KSR2: variants seen among roughly 807,000 people sequenced by gnomAD.
The protein encoded by KSR2 is kinase suppressor of ras 2.
KSR2 carries 25 observed loss-of-function variants against 107.8 expected under a neutral mutation model. That is an observed-to-expected ratio of 0.23 (90% confidence interval 0.17 to 0.32). The LOEUF is 0.32. Ranked by LOEUF, KSR2 falls within the 10% of genes least tolerant of loss-of-function variation. The pLI is 1.00. For synonymous variants in KSR2, 480 were observed against 507.0 expected, an observed-to-expected ratio of 0.95 and a Z score of 0.71; for missense variants, 887 against 1,268.9, an observed-to-expected ratio of 0.70 and a Z score of 4.57.
At chr12:117,870,749 C>G (rs568372523) in intron 1 of KSR2, among the ~76,000 whole-genome samples, 9 of 152,138 alleles carry the variant, frequency 5.9e-5, no homozygotes, top group African/African-American at 1.7e-4. Context: ...GGAGCTAGAA[C>G]CAAGGGGTAC....
intron 4 of KSR2, among the ~76,000 whole-genome samples, chr12:117,702,556 T>C (rs1886371271): frequency 6.6e-6 from 1 of 152,214 alleles, no homozygotes; most frequent in Non-Finnish European, 1.5e-5. Flanking sequence ...TTTAGCCTGA[T>C]TCATCTTCCC....
At chr12:117,543,104 T>C (rs1015966341) in intron 9 of KSR2, among the ~76,000 whole-genome samples, 2 of 152,270 alleles carry the variant, frequency 1.3e-5, no homozygotes, top group African/African-American at 2.4e-5. Context: ...ACAGGATTTA[T>C]GTGAACATAT....
At chr12:117,687,943 T>G (rs1372459234) in intron 4 of KSR2, among the ~76,000 whole-genome samples, 2 of 152,208 alleles carry the variant, frequency 1.3e-5, no homozygotes, top group Non-Finnish European at 2.9e-5. Context: ...CCAGCTTTCC[T>G]GTCAATCCTG....
chr12:117,626,697 G>T (rs1466891270), intron 5 of KSR2, among the ~76,000 whole-genome samples: 1 of 152,152 alleles, frequency 6.6e-6, no homozygotes, highest in African/African-American at 2.4e-5. Flanking sequence ...TTGGGGTGGA[G>T]AGTTATGAAG....
intron 4 of KSR2, among the ~76,000 whole-genome samples, chr12:117,684,286 T>C (rs1885482023): frequency 1.3e-5 from 2 of 152,214 alleles, no homozygotes; most frequent in Admixed American, 6.5e-5. Flanking sequence ...CCTCTCCCAC[T>C]GGTTTGGGAG....
chr12:117,753,797 C>T lies in KSR2; in HGVS notation c.986+7214G>A, dbSNP rs557282147. Among the ~76,000 whole-genome samples, 75 of 146,286 alleles carry T rather than the reference C, an allele frequency of 5.1e-4. 1 individual carries two copies. In the South Asian group the frequency reaches 8.3e-3, roughly 16 times the overall value. On this transcript the variant is annotated intron_variant, in intron 4 of 19. Transcript: ENST00000339824. ...TATGTAACAAACCTGCACTTGTACC[C>T]GTGACCTTAAAATGAAAGTTAAAAA... is the stretch of plus-strand genomic sequence containing the variant.
intron 3 of KSR2, among the ~76,000 whole-genome samples, chr12:117,848,835 G>GTGATGGTGGTGGGTGGTAGTGGTGGTGA (rs1226463085): frequency 1.0e-4 from 4 of 40,134 alleles, no homozygotes; most frequent in Non-Finnish European, 1.7e-4. Context: ...GATGGTGGTA[G>GTGATGGTGGTGGGTGGTAGTGGTGGTGA]TGGTGGTGAT....
At chr12:117,910,102 G>A (rs10774970) in intron 1 of KSR2, among the ~76,000 whole-genome samples, 43,231 of 151,360 alleles carry the variant, frequency 0.29, 6,621 homozygotes, top group East Asian at 0.5. Context: ...ATGGTGGTGT[G>A]TGCCTGAAGT....
At chr12:117,778,681 T>C (rs1248399491) in intron 3 of KSR2, among the ~76,000 whole-genome samples, 1 of 152,132 alleles carries the variant, frequency 6.6e-6, no homozygotes, top group Non-Finnish European at 1.5e-5. Context: ...CTCATGGGCC[T>C]CTGAGGGAGG....
intron 4 of KSR2, among the ~76,000 whole-genome samples, chr12:117,682,119 G>C (rs1347246818): frequency 6.6e-6 from 1 of 152,116 alleles, no homozygotes; most frequent in Non-Finnish European, 1.5e-5. Context: ...TCCTTTGCAG[G>C]GACATGGACT....
intron 17 of KSR2, among the ~76,000 whole-genome samples, chr12:117,471,751 T>C (rs935675646): frequency 6.6e-6 from 1 of 152,088 alleles, no homozygotes; most frequent in Non-Finnish European, 1.5e-5. Context: ...TAAAATGAAA[T>C]GCTGTATTAT....
chr12:117,656,980 G>GGA (rs1161179662), intron 5 of KSR2, among the ~76,000 whole-genome samples: 6,800 of 49,496 alleles, frequency 0.14, 357 homozygotes, highest in East Asian at 0.35. Flanking sequence ...ATATATAATA[G>GGA]GATATATATA....
intron 3 of KSR2, among the ~76,000 whole-genome samples, chr12:117,786,682 G>A (rs145583454): frequency 2.6e-5 from 4 of 152,114 alleles, no homozygotes; most frequent in African/African-American, 7.2e-5. Flanking sequence ...TGGGCGTGGT[G>A]GTGGGTGCCT....
At chr12:117,620,278 C>G (rs563231200) in intron 5 of KSR2, among the ~76,000 whole-genome samples, 1 of 152,134 alleles carries the variant, frequency 6.6e-6, no homozygotes, top group Non-Finnish European at 1.5e-5. Flanking sequence ...GAGTCATATT[C>G]CATGGGCTCC....
chr12:117,768,795 C>T (rs896497170), intron 3 of KSR2, among the ~76,000 whole-genome samples: 1 of 152,180 alleles, frequency 6.6e-6, no homozygotes, highest in Admixed American at 6.5e-5. Context: ...AACAATCCAA[C>T]AAAGTGGGTG....
At chr12:117,568,012 T>C (rs1490103382) in intron 7 of KSR2, among the ~76,000 whole-genome samples, 1 of 152,166 alleles carries the variant, frequency 6.6e-6, no homozygotes, top group East Asian at 1.9e-4. Flanking sequence ...CTTTAGCCTA[T>C]AGCTAACCAC....
At position 117,747,089 on chromosome 12, in the gene KSR2, C is replaced by T. The variant is rs1010124369; in HGVS notation, c.986+13922G>A. Among the ~76,000 whole-genome samples, 5 of 152,230 alleles carry T rather than the reference C, an allele frequency of 3.3e-5. No individual in the cohort carries two copies. In the South Asian group the frequency reaches 1.0e-3, roughly 32 times the overall value. Reference sequence around the variant, plus strand: ...CAGCAATCTCATTACTGGGTATATACCCAAAGGATTATACATCATTCTACT... The same window carrying T: ...CAGCAATCTCATTACTGGGTATATATCCAAAGGATTATACATCATTCTACT... On this transcript the variant is annotated intron_variant, in intron 4 of 19. Transcript: ENST00000339824.
intron 7 of KSR2, among the ~76,000 whole-genome samples, chr12:117,562,652 G>T (rs1878201762): frequency 6.6e-6 from 1 of 152,116 alleles, no homozygotes; most frequent in African/African-American, 2.4e-5. Context: ...GACAGAACAG[G>T]TAAGGCTGCT....
chr12:117,575,651 G>A (rs1879238096), intron 7 of KSR2, among the ~76,000 whole-genome samples: 1 of 152,180 alleles, frequency 6.6e-6, no homozygotes, highest in Non-Finnish European at 1.5e-5. Flanking sequence ...ATTATGTACT[G>A]GAGATAGCTC....
Sources: allele counts gnomAD v4.1 joint callset (sites outside exome capture counted in the v4.1 genomes callset), GRCh38; gene constraint gnomAD v4.1.1; transcripts MANE v1.5; gene names NCBI Gene and HGNC (gene_info 2026-07-23, HGNC 2026-07-21).